Variants in WDPCP observed in about 807,000 individuals in gnomAD.
The protein encoded by WDPCP is WD repeat-containing and planar cell polarity effector protein fritz homolog.
Under a neutral mutation model 93.1 loss-of-function variants are expected in WDPCP, and 71 were observed. The ratio of observed to expected loss-of-function variants is 0.76; its 90% CI spans 0.63 to 0.93. The LOEUF (loss-of-function observed/expected upper bound fraction) is 0.93, where lower values mean the gene tolerates loss of function less well. Among genes scored for constraint, WDPCP ranks in the 40% least tolerant of loss-of-function variants. The pLI, the probability that WDPCP is intolerant of heterozygous loss-of-function variation, is 0.00. For synonymous variants in WDPCP, 315 were observed against 315.0 expected, an observed-to-expected ratio of 1.00 and a Z score of 0.00; for missense variants, 844 against 887.4, an observed-to-expected ratio of 0.95 and a Z score of 0.62.
intron 17 of WDPCP, among the ~76,000 whole-genome samples, chr2:63,123,047 G>GA (rs56122640): frequency 0.011 from 1,475 of 129,236 alleles, 12 homozygotes; most frequent in Middle Eastern, 0.023. Flanking sequence ...ACACAAAATT[G>GA]AAAAAAAAAA....
chr2:63,313,682 G>A (rs1686362080), intron 12 of WDPCP, among the ~76,000 whole-genome samples: 1 of 151,876 alleles, frequency 6.6e-6, no homozygotes, highest in African/African-American at 2.4e-5. Flanking sequence ...TGTGAATGAA[G>A]AGTGTCTTGT....
chr2:63,797,610 G>GA (rs888892490), intron 2 of WDPCP, among the ~76,000 whole-genome samples: 6 of 144,824 alleles, frequency 4.1e-5, no homozygotes, highest in East Asian at 2.0e-4. Context: ...TAAAGAAAAA[G>GA]AAAAAAAAAG....
intron 14 of WDPCP, among the ~76,000 whole-genome samples, chr2:63,238,922 G>C (rs1679635877): frequency 1.3e-5 from 2 of 152,118 alleles, no homozygotes; most frequent in African/African-American, 4.8e-5. Context: ...AATTTGTAGA[G>C]TTTGCCAATT....
chr2:63,716,190 G>T (rs112006804), intron 2 of WDPCP, among the ~76,000 whole-genome samples: 2 of 152,156 alleles, frequency 1.3e-5, no homozygotes, highest in African/African-American at 4.8e-5. Flanking sequence ...ACTCTGGGAA[G>T]GCTGTAACAG....
chr2:63,338,572 ATAT>A (rs1688617290), intron 12 of WDPCP, among the ~76,000 whole-genome samples: 41 of 4,868 alleles, frequency 8.4e-3, no homozygotes, highest in Non-Finnish European at 9.3e-3. Flanking sequence ...AAAAAAAAAT[ATAT>A]ATATATATAT....
intron 12 of WDPCP, among the ~76,000 whole-genome samples, chr2:63,353,422 C>T (rs1689778635): frequency 6.6e-6 from 1 of 152,196 alleles, no homozygotes; most frequent in Non-Finnish European, 1.5e-5. Flanking sequence ...AGATAAGACC[C>T]ACTGGCTTGG....
chr2:63,613,886 C>G (rs1286226663), intron 3 of WDPCP, among the ~76,000 whole-genome samples: 13 of 152,148 alleles, frequency 8.5e-5, no homozygotes, highest in Admixed American at 8.5e-4. Flanking sequence ...TGTCTTAAGA[C>G]CCCCTCCCTA....
At chr2:63,542,001 T>TAC (rs1388787775) in intron 1 of WDPCP, among the ~76,000 whole-genome samples, 1 of 151,574 alleles carries the variant, frequency 6.6e-6, no homozygotes, top group East Asian at 1.9e-4. Flanking sequence ...TATTAATTCA[T>TAC]ACACACACAC....
intron 2 of WDPCP, among the ~76,000 whole-genome samples, chr2:63,657,450 C>A (rs1710182334): frequency 6.6e-6 from 1 of 152,080 alleles, no homozygotes; most frequent in Non-Finnish European, 1.5e-5. Flanking sequence ...TCGTGATCTG[C>A]CCGCCTCGGC....
In WDPCP at chr2:63,121,932, G is replaced by T. The variant is rs1337664556; in HGVS notation, c.*74C>A. 1 of 1,595,120 alleles carries T rather than the reference G, an allele frequency of 6.3e-7. No individual in the cohort carries two copies. The highest frequency in any genetic ancestry group is 8.5e-7 in the Non-Finnish European group (1 of 1,173,900). On this transcript the variant is annotated 3_prime_UTR_variant, in exon 18 of 18. Coordinates refer to ENST00000272321, the MANE Select transcript of WDPCP (RefSeq NM_015910.7). The stretch of plus-strand genomic sequence containing the variant: ...ACTGTCTCTTGTTAAAAATCCACAC[G>T]GGGGATTTTAAGTCTGTATCAGGCC...
At position 63,537,438 on chromosome 2, in the gene WDPCP, C is replaced by T. The variant is rs935491195; in HGVS notation, c.76-44498G>A. On this transcript the variant is annotated intron_variant, in intron 1 of 17. Transcript: ENST00000272321. ...ACAATTATGTCACTTCTCTGAAAAG[C>T]CTTAATGACTACACATTGCACCAAG... Among the ~76,000 whole-genome samples, 9 of 152,270 alleles carry T rather than the reference C, an allele frequency of 5.9e-5. No individual in the cohort carries two copies. In the East Asian group the frequency reaches 9.6e-4, roughly 16 times the overall value.
intron 1 of WDPCP, among the ~76,000 whole-genome samples, chr2:63,522,145 T>C (rs907734525): frequency 2.6e-5 from 4 of 152,046 alleles, no homozygotes; most frequent in Admixed American, 2.6e-4. Flanking sequence ...CAACCTGTCA[T>C]CTACATTAGG....
At chr2:63,220,594 G>A (rs964497335) in intron 14 of WDPCP, among the ~76,000 whole-genome samples, 1 of 152,124 alleles carries the variant, frequency 6.6e-6, no homozygotes, top group Non-Finnish European at 1.5e-5. Context: ...ATTGGCAAGG[G>A]TTTGTGAAAT....
chr2:63,613,866 G>A (rs1709645024), intron 3 of WDPCP, among the ~76,000 whole-genome samples: 2 of 152,114 alleles, frequency 1.3e-5, no homozygotes, highest in Non-Finnish European at 2.9e-5. Flanking sequence ...TCTTTCAAAA[G>A]AAATGCAATT....
chr2:63,484,877 G>T, intron 5 of WDPCP, 40 bp downstream of exon 5: 1 of 1,601,792 alleles, frequency 6.2e-7, no homozygotes, highest in South Asian at 1.1e-5. Flanking sequence ...TTTAAAAACA[G>T]ATTTGTTTGT....
At chr2:63,260,580 T>C (rs1681538803) in intron 13 of WDPCP, among the ~76,000 whole-genome samples, 1 of 152,208 alleles carries the variant, frequency 6.6e-6, no homozygotes, top group Non-Finnish European at 1.5e-5. Flanking sequence ...AGACAGAGTC[T>C]CACTCTGTTG....
intron 1 of WDPCP, among the ~76,000 whole-genome samples, chr2:63,499,485 G>A (rs889533557): frequency 6.6e-6 from 1 of 152,182 alleles, no homozygotes; most frequent in Non-Finnish European, 1.5e-5. Context: ...CAGAATTATT[G>A]TTGGAAGATT....
At chr2:63,574,434 T>C (rs1461459232) in intron 1 of WDPCP, among the ~76,000 whole-genome samples, 1 of 152,218 alleles carries the variant, frequency 6.6e-6, no homozygotes, top group Non-Finnish European at 1.5e-5. Context: ...TAAGATTAGA[T>C]TTAGAAAATC....
At chr2:63,754,771 C>G (rs530792598) in intron 2 of WDPCP, among the ~76,000 whole-genome samples, 16 of 152,308 alleles carry the variant, frequency 1.1e-4, no homozygotes, top group African/African-American at 3.8e-4. Context: ...TATTGCCATC[C>G]AGCTGACTGG....
Sources: gnomAD v4.1 joint callset for allele counts (sites outside exome capture counted in the v4.1 genomes callset) on GRCh38, gnomAD v4.1.1 for gene constraint, MANE v1.5 for transcripts, NCBI Gene and HGNC (gene_info 2026-07-23, HGNC 2026-07-21) for gene names.